Variants in SH3BGR observed in about 807,000 individuals in gnomAD.
SH3BGR encodes the protein SH3 domain binding glutamate rich protein, also known as SH3 domain-binding glutamic acid-rich protein.
SH3BGR carries 29 observed loss-of-function variants against 24.5 expected under a neutral mutation model. That is an observed-to-expected ratio of 1.18 (90% CI 0.88 to 1.61). SH3BGR has a LOEUF of 1.61. SH3BGR is among the 40% of genes most tolerant of loss of function. The pLI is 0.00. For synonymous variants in SH3BGR, 55 were observed against 65.7 expected (o/e 0.84, Z 0.79); for missense variants, 162 against 205.8 (o/e 0.79, Z 1.30).
At chr21:39,466,711 T>C (rs943501493) in intron 2 of SH3BGR, among the ~76,000 whole-genome samples, 3 of 152,172 alleles carry the variant, frequency 2.0e-5, no homozygotes, top group African/African-American at 7.2e-5. Context: ...TCACTCACTA[T>C]CATGAGAACA....
At chr21:39,500,228 T>A (rs1306007304) in intron 4 of SH3BGR, among the ~76,000 whole-genome samples, 1 of 152,030 alleles carries the variant, frequency 6.6e-6, no homozygotes, top group African/African-American at 2.4e-5. Context: ...AAGGGACCTT[T>A]CTGCTTGATC....
intron 1 of SH3BGR, among the ~76,000 whole-genome samples, chr21:39,454,109 G>A (rs530935214): frequency 7.9e-5 from 12 of 152,260 alleles, no homozygotes; most frequent in South Asian, 6.2e-4. Flanking sequence ...TGCCTTAGCC[G>A]TAAGAATGAG....
At chr21:39,482,092 A>G (rs1381077446) in intron 3 of SH3BGR, among the ~76,000 whole-genome samples, 4 of 152,364 alleles carry the variant, frequency 2.6e-5, no homozygotes, top group Middle Eastern at 3.4e-3. Context: ...CGTGAAGTCC[A>G]TAGTCTCACC....
At chr21:39,455,778 C>T (rs2077645455) in intron 1 of SH3BGR, among the ~76,000 whole-genome samples, 1 of 152,240 alleles carries the variant, frequency 6.6e-6, no homozygotes, top group African/African-American at 2.4e-5. Flanking sequence ...CCAGGCAGAA[C>T]TCAAGTGCCC....
chr21:39,467,082 G>A (rs915506807), intron 2 of SH3BGR, among the ~76,000 whole-genome samples: 5 of 152,210 alleles, frequency 3.3e-5, no homozygotes, highest in Middle Eastern at 3.4e-3. Context: ...GATTTTAAAT[G>A]TCTTAGTTTG....
At position 39,515,189 on chromosome 21, in the gene SH3BGR, T is replaced by TA; in HGVS notation, c.*137dup. 1 of 466,700 alleles carries TA rather than the reference T, an allele frequency of 2.1e-6. No individual in the cohort carries two copies. Among genetic ancestry groups the TA allele is most frequent in the Middle Eastern group, 3.3e-4 (1 of 3,070 alleles). The allele number at this position is 466,700 out of a possible 1,614,324, so 28.9% of individuals were successfully genotyped here. A position where few individuals can be genotyped will look rare whatever the true frequency, so the allele number is the denominator to read the frequency against. On this transcript the variant is annotated 3_prime_UTR_variant, in exon 7 of 7. Transcript: ENST00000333634. ...GGCACACCCAGGGTTACTGAGGACT[T>TA]ATGCTGCCTGACCTGGTTAGATGTA...
intron 3 of SH3BGR, among the ~76,000 whole-genome samples, chr21:39,479,224 GGGTGGTGGTGGTGGTGGTGGTGGTGGT>G (rs973677506): frequency 7.3e-6 from 1 of 137,584 alleles, no homozygotes; most frequent in African/African-American, 3.3e-5. Context: ...GAGGTGGTAA[GGGTGGTGGTGGTGGTGGTGGTGGTGGT>G]GGTGGTGATG....
chr21:39,507,531 C>G (rs1441738875), intron 4 of SH3BGR, among the ~76,000 whole-genome samples: 1 of 152,098 alleles, frequency 6.6e-6, no homozygotes, highest in Non-Finnish European at 1.5e-5. Flanking sequence ...CGGGGTTTTT[C>G]CATGTTGGTC....
chr21:39,508,762 T>C lies in SH3BGR; in HGVS notation c.406-236T>C, dbSNP rs561938997. 5.3e-5 allele frequency among the ~76,000 whole-genome samples: 8 copies of C among 152,304 alleles called. No individual in the cohort carries two copies. In the East Asian group the frequency reaches 1.4e-3, roughly 26 times the overall value. ...AATTACATTTTCTCAGGAGTTCAAGTGATGGGAAACGGTCTTTAATCTCAC... is the reference window on the plus strand; with the variant it reads ...AATTACATTTTCTCAGGAGTTCAAGCGATGGGAAACGGTCTTTAATCTCAC... On this transcript the variant is annotated intron_variant, in intron 4 of 6. Coordinates refer to ENST00000333634, the MANE Select transcript of SH3BGR (RefSeq NM_007341.3).
chr21:39,449,130 A>G (rs1369182407), upstream of SH3BGR, among the ~76,000 whole-genome samples: 1 of 152,224 alleles, frequency 6.6e-6, no homozygotes, highest in Non-Finnish European at 1.5e-5. Flanking sequence ...TGTATGATAC[A>G]TATATGTTTA....
chr21:39,447,416 C>CA (rs1227234170), upstream of SH3BGR, among the ~76,000 whole-genome samples: 6,071 of 114,692 alleles, frequency 0.053, 190 homozygotes, highest in South Asian at 0.089. Context: ...TTCGCTTTTG[C>CA]TTTTTTTTTT....
chr21:39,512,084 A>G (rs1273689941), intron 6 of SH3BGR, among the ~76,000 whole-genome samples: 1 of 152,152 alleles, frequency 6.6e-6, no homozygotes, highest in Non-Finnish European at 1.5e-5. Flanking sequence ...GATGCAGGGA[A>G]GAGTTTTGTT....
chr21:39,462,518 T>G lies in SH3BGR; in HGVS notation c.189T>G (p.Ile63Met), dbSNP rs1398925059. ...GAGAGAAAAAACCTCAAAATGGGAT[T>G]CCTTTGCCTCCCCAGATCTTCAATG... is the stretch of plus-strand genomic sequence containing the variant. Reference protein sequence around the residue: ...VPGEKKPQNGIPLPPQIFNEE... With the variant: ...VPGEKKPQNGMPLPPQIFNEE... The change falls in exon 2 of 7, where the codon ATT becomes ATG. Residue 63 changes from isoleucine (I) to methionine (M), a missense_variant. Physicochemically the swap from Ile to Met is conservative, Grantham distance 10 (BLOSUM62 1). Transcript: ENST00000333634. 1 of 1,604,798 alleles carries G rather than the reference T, an allele frequency of 6.2e-7. No homozygotes were observed. The highest frequency in any genetic ancestry group is 8.5e-7 in the Non-Finnish European group (1 of 1,178,068).
In SH3BGR at chr21:39,479,232, G is replaced by GGTGA. The variant is rs1569160807; in HGVS notation, c.312+4017_312+4018insGTGA. Among the ~76,000 whole-genome samples, 394 of 141,738 alleles carry GGTGA rather than the reference G, an allele frequency of 2.8e-3. 1 individual carries two copies. Among genetic ancestry groups the GGTGA allele is most frequent in the African/African-American group, 1.0e-2 (365 of 36,562 alleles). 93.0% of individuals were successfully genotyped at this position (141,738 alleles called of 152,430 possible). ...GGTGGTGGAGGTGGTAAGGGTGGTG[G>GGTGA]TGGTGGTGGTGGTGGTGGTGGTGGT... On this transcript the variant is annotated intron_variant, in intron 3 of 6. Transcript: ENST00000333634.
intron 2 of SH3BGR, among the ~76,000 whole-genome samples, chr21:39,469,098 C>T (rs1352947585): frequency 6.6e-6 from 1 of 150,772 alleles, no homozygotes; most frequent in Admixed American, 6.6e-5. Flanking sequence ...CAGCCTTGAG[C>T]TTGTTTTTAA....
chr21:39,508,882 A>G, intron 4 of SH3BGR, 116 bp from the exon 5 acceptor site: 1 of 684,570 alleles, frequency 1.5e-6, no homozygotes, highest in Non-Finnish European at 2.5e-6. Context: ...GGATAAACTA[A>G]TGTGTTGTTC....
chr21:39,456,272 G>A (rs1400974548), intron 1 of SH3BGR, among the ~76,000 whole-genome samples: 1 of 152,134 alleles, frequency 6.6e-6, no homozygotes, highest in Admixed American at 6.5e-5. Context: ...GGTTTGGACC[G>A]AATAAAGGAG....
intron 6 of SH3BGR, among the ~76,000 whole-genome samples, chr21:39,513,570 G>A (rs371084340): frequency 4.6e-5 from 7 of 152,066 alleles, no homozygotes; most frequent in African/African-American, 9.7e-5. Flanking sequence ...TCTAGCCCAC[G>A]ATTTGATGTC....
At chr21:39,482,528 C>T (rs923209017) in intron 3 of SH3BGR, among the ~76,000 whole-genome samples, 3 of 152,050 alleles carry the variant, frequency 2.0e-5, no homozygotes, top group Non-Finnish European at 4.4e-5. Flanking sequence ...TAAGAGAATG[C>T]CCTTGTTTTT....
Sources: gnomAD v4.1 joint callset for allele counts (sites outside exome capture counted in the v4.1 genomes callset) on GRCh38, gnomAD v4.1.1 for gene constraint, MANE v1.5 for transcripts, NCBI Gene and HGNC (gene_info 2026-07-23, HGNC 2026-07-21) for gene names.